Variants in HERPUD2 observed in about 807,000 individuals in gnomAD.
HERPUD2 encodes the protein homocysteine-responsive endoplasmic reticulum-resident ubiquitin-like domain member 2 protein.
A neutral mutation model predicts 49.9 loss-of-function variants in HERPUD2; 13 were observed. That is an observed-to-expected ratio of 0.26 (90% CI 0.17 to 0.41). HERPUD2 has a LOEUF of 0.41. Among genes scored for constraint, HERPUD2 ranks in the 10% least tolerant of loss-of-function variants. The probability of loss-of-function intolerance (pLI) is 1.00; values close to 1 mark genes in which losing one functional copy is unlikely to be tolerated. For missense variants in HERPUD2, 449 were observed against 492.2 expected (o/e 0.91, Z 0.83); for synonymous variants, 172 against 171.4 (o/e 1.00, Z -0.03).
intron 2 of HERPUD2, among the ~76,000 whole-genome samples, chr7:35,692,938 T>C (rs762141285): frequency 3.3e-5 from 5 of 152,246 alleles, no homozygotes; most frequent in African/African-American, 1.2e-4. Flanking sequence ...ATGTACCTGA[T>C]GCCAAAAGTT....
Position 35,635,117 on chromosome 7 carries a change from T to C in HERPUD2, c.941+18A>G, listed in dbSNP as rs1237692954. ...GTTGCAGAAATTAAACCACAAAAAG[T>C]TAATGAACATCACTCACAAATAAAC... On this transcript the variant is annotated intron_variant, in intron 7 of 8. Coordinates refer to ENST00000311350, the MANE Select transcript of HERPUD2 (RefSeq NM_022373.5). 6.3e-7 allele frequency: 1 copy of C among 1,593,442 alleles called. No individual in the cohort carries two copies. Among genetic ancestry groups the C allele is most frequent in the Non-Finnish European group, 8.6e-7 (1 of 1,162,404 alleles).
chr7:35,682,895 C>T (rs1034987040), intron 2 of HERPUD2, among the ~76,000 whole-genome samples: 1 of 148,984 alleles, frequency 6.7e-6, no homozygotes, highest in African/African-American at 2.5e-5. Context: ...GGAAAAACAA[C>T]AAAACACTGG....
Position 35,684,797 on chromosome 7 carries a change from A to C in HERPUD2, c.147+9387T>G, listed in dbSNP as rs117036390. On this transcript the variant is annotated intron_variant, in intron 2 of 8. Transcript: ENST00000311350. The stretch of plus-strand genomic sequence containing the variant: ...AAAGACCACAAACAGGGTGCAGTGT[A>C]TACTGCCCGGGTGATGGGTACACCA... Among the ~76,000 whole-genome samples the C allele has an allele frequency of 1.3e-4, 20 of 152,340 alleles. No individual in the cohort carries two copies. The East Asian group carries it at 3.9e-3, about 29-fold the overall frequency.
intron 2 of HERPUD2, among the ~76,000 whole-genome samples, chr7:35,679,915 C>T (rs1290185917): frequency 6.6e-6 from 1 of 152,158 alleles, no homozygotes; most frequent in Non-Finnish European, 1.5e-5. Flanking sequence ...CTTTCTTTTG[C>T]CTTGCCTCCC....
chr7:35,670,343 G>A lies in HERPUD2; in HGVS notation c.226-15C>T, dbSNP rs369787021. The A allele has an allele frequency of 9.4e-6, 12 of 1,269,902 alleles. No homozygotes were observed. The African/African-American group carries it at 1.9e-4, about 20-fold the overall frequency. The allele number at this position is 1,269,902 out of a possible 1,614,324, so 78.7% of individuals were successfully genotyped here. A position where few individuals can be genotyped will look rare whatever the true frequency, so the allele number is the denominator to read the frequency against. The stretch of plus-strand genomic sequence containing the variant: ...TACTCATCTTGCTAAAATTAAAGAA[G>A]ATTACATTTAAAGGGTAGTACTACA... On this transcript the variant is annotated splice_polypyrimidine_tract_variant and intron_variant, in intron 3 of 8. Transcript: ENST00000311350.
chr7:35,674,984 C>T (rs1785729582), intron 2 of HERPUD2, among the ~76,000 whole-genome samples: 1 of 152,148 alleles, frequency 6.6e-6, no homozygotes, highest in African/African-American at 2.4e-5. Context: ...GCTGCACTAA[C>T]AAATTAATTG....
intron 7 of HERPUD2, among the ~76,000 whole-genome samples, 154 bp downstream of exon 7, chr7:35,634,981 C>A (rs1784846468): frequency 6.6e-6 from 1 of 152,120 alleles, no homozygotes; most frequent in Non-Finnish European, 1.5e-5. Flanking sequence ...TCAACAAAAC[C>A]TTCCCTTGCT....
At chr7:35,651,752 T>A (rs1204477500) in intron 5 of HERPUD2, among the ~76,000 whole-genome samples, 3 of 150,130 alleles carry the variant, frequency 2.0e-5, no homozygotes, top group African/African-American at 7.4e-5. Flanking sequence ...AATTGTGAAA[T>A]CCAGAAAACT....
chr7:35,689,748 A>G (rs139147750), intron 2 of HERPUD2, among the ~76,000 whole-genome samples: 110 of 152,344 alleles, frequency 7.2e-4, no homozygotes, highest in Non-Finnish European at 1.3e-4. Context: ...TTGGTTTAAC[A>G]GTATGAACAG....
chr7:35,688,194 T>C (rs1583573706), intron 2 of HERPUD2, among the ~76,000 whole-genome samples: 1 of 152,268 alleles, frequency 6.6e-6, no homozygotes, highest in Middle Eastern at 3.4e-3. Context: ...ATGAATTCTG[T>C]AAATTTGTAC....
At chr7:35,676,092 A>C (rs890403043) in intron 2 of HERPUD2, among the ~76,000 whole-genome samples, 1 of 152,200 alleles carries the variant, frequency 6.6e-6, no homozygotes, top group African/African-American at 2.4e-5. Context: ...CTTGCCCAAA[A>C]ATGCTTTTTA....
chr7:35,673,381 C>A, intron 2 of HERPUD2, 103 bp from the exon 3 acceptor site: 1 of 777,660 alleles, frequency 1.3e-6, no homozygotes, highest in Non-Finnish European at 2.1e-6. Flanking sequence ...TCCCTTTAGG[C>A]ACAAGTAAGC....
intron 2 of HERPUD2, among the ~76,000 whole-genome samples, chr7:35,680,442 C>T (rs1442906832): frequency 3.3e-5 from 5 of 152,016 alleles, no homozygotes; most frequent in Middle Eastern, 3.2e-3. Flanking sequence ...ACAAAACAAA[C>T]AAAACAAACT....
intron 2 of HERPUD2, among the ~76,000 whole-genome samples, chr7:35,676,948 T>C (rs1461439359): frequency 6.6e-6 from 1 of 152,222 alleles, no homozygotes; most frequent in Non-Finnish European, 1.5e-5. Flanking sequence ...AAATACAGTG[T>C]TTCAAAGTTA....
chr7:35,650,951 A>G (rs1378031259), intron 5 of HERPUD2, among the ~76,000 whole-genome samples: 1 of 152,150 alleles, frequency 6.6e-6, no homozygotes, highest in African/African-American at 2.4e-5. Context: ...TGAGCATGCC[A>G]TCCAGGGGCC....
chr7:35,635,528 C>T, intron 6 of HERPUD2, 70 bp from the exon 7 acceptor site: 3 of 1,261,730 alleles, frequency 2.4e-6, no homozygotes, highest in Non-Finnish European at 1.1e-6. Flanking sequence ...TTTTAAACTT[C>T]TTGGGGAGCT....
At chr7:35,636,019 A>G (rs776992153) in intron 6 of HERPUD2, among the ~76,000 whole-genome samples, 2 of 152,220 alleles carry the variant, frequency 1.3e-5, no homozygotes, top group Non-Finnish European at 2.9e-5. Flanking sequence ...ACTGGGGACC[A>G]CTGATCCTTG....
chr7:35,682,100 T>C (rs1030114598), intron 2 of HERPUD2, among the ~76,000 whole-genome samples: 4 of 151,904 alleles, frequency 2.6e-5, no homozygotes, highest in African/African-American at 4.8e-5. Context: ...TACAGTGGCA[T>C]GGTATCAGCT....
chr7:35,656,086 A>G (rs1720971998), intron 5 of HERPUD2, among the ~76,000 whole-genome samples: 1 of 152,228 alleles, frequency 6.6e-6, no homozygotes, highest in South Asian at 2.1e-4. Context: ...CTCTTGAACC[A>G]GAGAGACAGA....
Sources: gnomAD v4.1 joint callset for allele counts (sites outside exome capture counted in the v4.1 genomes callset) on GRCh38, gnomAD v4.1.1 for gene constraint, MANE v1.5 for transcripts, NCBI Gene and HGNC (gene_info 2026-07-23, HGNC 2026-07-21) for gene names.